The following PTPRD variants were observed in gnomAD, a reference collection of about 807,000 sequenced individuals.
The protein encoded by PTPRD is protein tyrosine phosphatase receptor type D.
Under a neutral mutation model 214.5 loss-of-function variants are expected in PTPRD, and 34 were observed. The observed-to-expected ratio is 0.16, with a 90% CI of 0.12 to 0.21. PTPRD has a LOEUF of 0.21. Ranked by LOEUF, PTPRD falls within the 10% of genes least tolerant of loss-of-function variation. The pLI, the probability that PTPRD is intolerant of heterozygous loss-of-function variation, is 1.00. For missense variants in PTPRD, 2,545 were observed against 2,398.7 expected (o/e 1.06, Z -1.27); for synonymous variants, 1,128 against 845.7 (o/e 1.33, Z -5.79).
At chr9:8,652,833 C>G (rs1333752821) in intron 12 of PTPRD, among the ~76,000 whole-genome samples, 1 of 152,134 alleles carries the variant, frequency 6.6e-6, no homozygotes, top group Non-Finnish European at 1.5e-5. Context: ...TGCCAGGTCA[C>G]ACACATGAGA....
chr9:8,490,070 T>C (rs1165551905), intron 27 of PTPRD, among the ~76,000 whole-genome samples: 1 of 152,174 alleles, frequency 6.6e-6, no homozygotes, highest in Non-Finnish European at 1.5e-5. Flanking sequence ...TGCCAGCTGT[T>C]GGTTCAATGG....
intron 3 of PTPRD, among the ~76,000 whole-genome samples, chr9:10,245,848 T>A (rs541013276): frequency 6.6e-6 from 1 of 152,042 alleles, no homozygotes; most frequent in Non-Finnish European, 1.5e-5. Flanking sequence ...AGAGATAGTA[T>A]CAAGTAAGGG....
intron 7 of PTPRD, among the ~76,000 whole-genome samples, chr9:9,693,457 C>T (rs114467462): frequency 0.016 from 2,379 of 152,204 alleles, 25 homozygotes; most frequent in Non-Finnish European, 0.019. Flanking sequence ...TTCCTCCCCC[C>T]GCCATGTGCA....
At chr9:8,459,326 G>C (rs1273349336) in intron 33 of PTPRD, among the ~76,000 whole-genome samples, 1 of 151,912 alleles carries the variant, frequency 6.6e-6, no homozygotes, top group Non-Finnish European at 1.5e-5. Flanking sequence ...TGTAGTAGAA[G>C]GATGAGATCA....
At chr9:9,610,275 C>CA (rs1271548049) in intron 7 of PTPRD, among the ~76,000 whole-genome samples, 3 of 151,944 alleles carry the variant, frequency 2.0e-5, no homozygotes, top group East Asian at 1.9e-4. Context: ...AACATATTTT[C>CA]AAAAAAATGC....
intron 9 of PTPRD, among the ~76,000 whole-genome samples, chr9:9,387,228 A>T (rs1229622122): frequency 6.6e-6 from 1 of 152,178 alleles, no homozygotes; most frequent in African/African-American, 2.4e-5. Context: ...CCAGAGAAAT[A>T]AATGTTTTAT....
chr9:10,087,888 A>ACTT (rs1442706379), intron 3 of PTPRD, among the ~76,000 whole-genome samples: 1 of 151,760 alleles, frequency 6.6e-6, no homozygotes, highest in African/African-American at 2.4e-5. Flanking sequence ...TCAATGTAAT[A>ACTT]CTTCTCATGT....
At chr9:10,516,832 T>A (rs2134017136) in intron 2 of PTPRD, among the ~76,000 whole-genome samples, 1 of 152,070 alleles carries the variant, frequency 6.6e-6, no homozygotes, top group South Asian at 2.1e-4. Context: ...AAGAAACTAT[T>A]ATTTTCCAAT....
At chr9:9,884,966 A>G (rs2070282508) in intron 5 of PTPRD, among the ~76,000 whole-genome samples, 1 of 152,118 alleles carries the variant, frequency 6.6e-6, no homozygotes, top group African/African-American at 2.4e-5. Flanking sequence ...CAGTGTGAGA[A>G]CGGACTAATA....
intron 9 of PTPRD, among the ~76,000 whole-genome samples, chr9:9,330,812 C>CT (rs1048941645): frequency 2.6e-5 from 4 of 150,988 alleles, no homozygotes; most frequent in African/African-American, 9.7e-5. Context: ...TACTAATTCA[C>CT]TTTTTTTCTA....
rs957480036 is a variant in PTPRD, at chr9:10,434,422, C to T, written c.-599-93405G>A. 4.6e-5 allele frequency among the ~76,000 whole-genome samples: 7 copies of T among 151,824 alleles called. No homozygotes were observed. In the East Asian group the frequency reaches 1.4e-3, roughly 29 times the overall value. On this transcript the variant is annotated intron_variant, in intron 2 of 45. Coordinates refer to ENST00000381196, the MANE Select transcript of PTPRD (RefSeq NM_002839.4). ...AACTCTTAAGAAAATGTTAAATATT[C>T]TAAATTAGAGAATAATTATCATTGG... is the stretch of plus-strand genomic sequence containing the variant.
At chr9:9,266,013 T>A (rs1342303616) in intron 9 of PTPRD, among the ~76,000 whole-genome samples, 1 of 151,414 alleles carries the variant, frequency 6.6e-6, no homozygotes, top group Non-Finnish European at 1.5e-5. Flanking sequence ...AGGACATACA[T>A]AAGGTGAAGG....
At chr9:8,963,586 T>C (rs1398599432) in intron 11 of PTPRD, among the ~76,000 whole-genome samples, 2 of 152,128 alleles carry the variant, frequency 1.3e-5, no homozygotes, top group African/African-American at 2.4e-5. Context: ...TGTTGAACAA[T>C]CTTGCATCCC....
Position 8,506,329 on chromosome 9 carries a change from C to T in PTPRD, c.1677+972G>A, listed in dbSNP as rs114504042. On this transcript the variant is annotated intron_variant, in intron 22 of 45. Transcript: ENST00000381196. Reference sequence around the variant, plus strand: ...GTTCTCAAACACAGTGCCATTAACTCCTTTTGTCCTAATGTTCCCCATTGG... The same window carrying T: ...GTTCTCAAACACAGTGCCATTAACTTCTTTTGTCCTAATGTTCCCCATTGG... 4.9e-3 allele frequency among the ~76,000 whole-genome samples: 743 copies of T among 152,136 alleles called. 6 individuals carry two copies. Among genetic ancestry groups the T allele is most frequent in the African/African-American group, 0.017 (698 of 41,510 alleles).
intron 3 of PTPRD, among the ~76,000 whole-genome samples, chr9:10,329,403 T>G (rs949447279): frequency 6.6e-6 from 1 of 151,848 alleles, no homozygotes; most frequent in Non-Finnish European, 1.5e-5. Flanking sequence ...TAATACTATT[T>G]TAAAATAAAA....
chr9:9,763,539 G>C (rs1174582), intron 6 of PTPRD, among the ~76,000 whole-genome samples: 136,608 of 152,186 alleles, frequency 0.9, 61,553 homozygotes, highest in African/African-American at 0.97. Flanking sequence ...TTTATAAAAG[G>C]TTCCTTATTA....
chr9:8,628,288 C>A (rs2096119071), intron 14 of PTPRD, among the ~76,000 whole-genome samples: 1 of 151,830 alleles, frequency 6.6e-6, no homozygotes, highest in Non-Finnish European at 1.5e-5. Context: ...TGCACAATGG[C>A]AGAGATAGTT....
At chr9:10,322,208 G>A (rs1042281400) in intron 3 of PTPRD, among the ~76,000 whole-genome samples, 1 of 152,020 alleles carries the variant, frequency 6.6e-6, no homozygotes, top group African/African-American at 2.4e-5. Context: ...CTTGCAGTCA[G>A]TTTAATGCAT....
At chr9:9,704,020 C>T (rs1181429109) in intron 7 of PTPRD, among the ~76,000 whole-genome samples, 1 of 152,150 alleles carries the variant, frequency 6.6e-6, no homozygotes, top group Non-Finnish European at 1.5e-5. Context: ...GTAGCTGGGA[C>T]TACTGGCATG....
Sources: gnomAD v4.1 joint callset for allele counts (sites outside exome capture counted in the v4.1 genomes callset) on GRCh38, gnomAD v4.1.1 for gene constraint, MANE v1.5 for transcripts, NCBI Gene and HGNC (gene_info 2026-07-23, HGNC 2026-07-21) for gene names.